The following THSD7B variants were observed in gnomAD, a reference collection of about 807,000 sequenced individuals.
THSD7B encodes the protein thrombospondin type 1 domain containing 7B, also known as thrombospondin type-1 domain-containing protein 7B.
A neutral mutation model predicts 213.6 loss-of-function variants in THSD7B; 138 were observed. The observed-to-expected ratio is 0.65, with a 90% CI of 0.56 to 0.74. THSD7B has a LOEUF of 0.74. THSD7B is among the 30% of genes least tolerant of loss of function. THSD7B has a pLI of 0.00. For missense variants in THSD7B, 1,931 were observed against 1,991.5 expected, an observed-to-expected ratio of 0.97 and a Z score of 0.58; for synonymous variants, 742 against 687.0, an observed-to-expected ratio of 1.08 and a Z score of -1.25.
intron 2 of THSD7B, among the ~76,000 whole-genome samples, chr2:136,920,432 A>G (rs746974777): frequency 2.9e-4 from 44 of 152,154 alleles, no homozygotes; most frequent in Non-Finnish European, 1.3e-4. Flanking sequence ...TTCTGTAGGC[A>G]GGTCATCTCA....
intron 7 of THSD7B, among the ~76,000 whole-genome samples, chr2:137,196,800 ATC>A (rs1446880456): frequency 6.6e-6 from 1 of 152,124 alleles, no homozygotes; most frequent in East Asian, 1.9e-4. Context: ...TCACGAAGAT[ATC>A]TCATTATGCA....
intron 5 of THSD7B, chr2:137,155,920 C>G (rs916843703): frequency 2.0e-4 from 31 of 152,230 alleles, no homozygotes; most frequent in African/African-American, 6.7e-4. Flanking sequence ...TGTTTTCATT[C>G]TATGGAAGGA....
chr2:137,649,366 G>C (rs1294857852), intron 21 of THSD7B, among the ~76,000 whole-genome samples: 1 of 152,154 alleles, frequency 6.6e-6, no homozygotes, highest in Non-Finnish European at 1.5e-5. Flanking sequence ...ATATCCTGGA[G>C]CATATTCCCA....
chr2:136,948,424 C>T (rs972379029), intron 2 of THSD7B, among the ~76,000 whole-genome samples: 1 of 145,174 alleles, frequency 6.9e-6, no homozygotes, highest in Non-Finnish European at 1.5e-5. Flanking sequence ...ATCCCCCATA[C>T]CTTTCTTTTT....
chr2:137,662,062 C>CTTT (rs778872364), intron 25 of THSD7B, among the ~76,000 whole-genome samples: 2 of 132,654 alleles, frequency 1.5e-5, no homozygotes, highest in Non-Finnish European at 1.6e-5. Context: ...TTTCTTTTTT[C>CTTT]TTTTTTTTTT....
At position 137,121,815 on chromosome 2, in the gene THSD7B, A is replaced by G. The variant is rs377281860; in HGVS notation, c.1369+6522A>G. Among the ~76,000 whole-genome samples the G allele has an allele frequency of 4.6e-5, 7 of 152,328 alleles. No individual in the cohort carries two copies. The East Asian group carries it at 1.4e-3, about 29-fold the overall frequency. On this transcript the variant is annotated intron_variant, in intron 5 of 27. Coordinates refer to ENST00000409968, the MANE Select transcript of THSD7B (RefSeq NM_001316349.2). ...GGAAACTCTTAAACACAACAGAATGATATATTGAGTTTGATTGAATTCTCT... is the reference window on the plus strand; with the variant it reads ...GGAAACTCTTAAACACAACAGAATGGTATATTGAGTTTGATTGAATTCTCT...
At chr2:136,966,714 T>C (rs1685320704) in intron 2 of THSD7B, among the ~76,000 whole-genome samples, 1 of 152,178 alleles carries the variant, frequency 6.6e-6, no homozygotes, top group African/African-American at 2.4e-5. Flanking sequence ...CATCCTCTCT[T>C]TTCCGTGTCG....
intron 4 of THSD7B, among the ~76,000 whole-genome samples, chr2:137,100,878 C>T (rs1688137480): frequency 6.7e-6 from 1 of 148,908 alleles, no homozygotes; most frequent in African/African-American, 2.6e-5. Flanking sequence ...GCTGATGCTG[C>T]ATCCAGCTTT....
intron 12 of THSD7B, among the ~76,000 whole-genome samples, chr2:137,357,386 A>T (rs1474131600): frequency 6.6e-6 from 1 of 152,084 alleles, no homozygotes; most frequent in Admixed American, 6.6e-5. Flanking sequence ...TTGGGGAAAA[A>T]TAATATGTTT....
intron 15 of THSD7B, among the ~76,000 whole-genome samples, chr2:137,468,866 G>T (rs1461212790): frequency 1.3e-5 from 2 of 152,174 alleles, no homozygotes; most frequent in Non-Finnish European, 2.9e-5. Flanking sequence ...CCCTGTGAAA[G>T]AGAGTAAAAG....
chr2:137,382,881 A>T (rs559993065), intron 12 of THSD7B, among the ~76,000 whole-genome samples: 6 of 152,144 alleles, frequency 3.9e-5, no homozygotes, highest in Non-Finnish European at 8.8e-5. Flanking sequence ...TGGTATATGG[A>T]TGGGTCTAGC....
intron 15 of THSD7B, among the ~76,000 whole-genome samples, chr2:137,532,351 C>T (rs1364610178): frequency 6.6e-6 from 1 of 151,576 alleles, no homozygotes; most frequent in African/African-American, 2.4e-5. Context: ...TACTACTAAT[C>T]ATTGAAGAAA....
chr2:136,932,006 A>C (rs1684640435), intron 2 of THSD7B, among the ~76,000 whole-genome samples: 2 of 152,204 alleles, frequency 1.3e-5, no homozygotes, highest in African/African-American at 4.8e-5. Context: ...AATTATATTT[A>C]ACATAGATAG....
At chr2:137,583,130 A>T (rs540318511) in intron 17 of THSD7B, among the ~76,000 whole-genome samples, 82 of 152,258 alleles carry the variant, frequency 5.4e-4, no homozygotes, top group African/African-American at 1.8e-3. Flanking sequence ...TGGCTGCATA[A>T]AATGTCTTCA....
chr2:137,367,077 C>CT (rs759809504), intron 12 of THSD7B, among the ~76,000 whole-genome samples: 184 of 147,286 alleles, frequency 1.2e-3, no homozygotes, highest in African/African-American at 4.0e-3. Context: ...TGAATGGTTG[C>CT]TTTTTTTTTT....
chr2:137,521,144 A>C (rs577328239), intron 15 of THSD7B, among the ~76,000 whole-genome samples: 1 of 152,260 alleles, frequency 6.6e-6, no homozygotes, highest in African/African-American at 2.4e-5. Flanking sequence ...ATTTGTATCA[A>C]TTTTTGGGTG....
At chr2:137,476,865 G>A (rs1688205480) in intron 15 of THSD7B, among the ~76,000 whole-genome samples, 1 of 152,032 alleles carries the variant, frequency 6.6e-6, no homozygotes, top group Non-Finnish European at 1.5e-5. Flanking sequence ...ATTCCACTGT[G>A]GTATAGGAAG....
At chr2:137,335,670 A>G (rs1468961412) in intron 12 of THSD7B, among the ~76,000 whole-genome samples, 1 of 152,174 alleles carries the variant, frequency 6.6e-6, no homozygotes, top group Non-Finnish European at 1.5e-5. Flanking sequence ...GGGGGTAGTA[A>G]GGTGATTTTG....
At chr2:137,418,374 G>C (rs75963841) in intron 14 of THSD7B, among the ~76,000 whole-genome samples, 1 of 152,080 alleles carries the variant, frequency 6.6e-6, no homozygotes, top group South Asian at 2.1e-4. Context: ...GCAACCCATT[G>C]CCCAGACCCC....
Sources: gnomAD v4.1 joint callset for allele counts (sites outside exome capture counted in the v4.1 genomes callset) on GRCh38, gnomAD v4.1.1 for gene constraint, MANE v1.5 for transcripts, NCBI Gene and HGNC (gene_info 2026-07-23, HGNC 2026-07-21) for gene names.